The following PRKCA variants were observed in gnomAD, a reference collection of about 807,000 sequenced individuals.
The protein encoded by PRKCA is protein kinase C alpha type.
Under a neutral mutation model 87.0 loss-of-function variants are expected in PRKCA, and 27 were observed. The observed-to-expected ratio is 0.31, with a 90% confidence interval of 0.23 to 0.43. PRKCA has a LOEUF of 0.43. PRKCA is among the 20% of genes least tolerant of loss of function. The pLI, the probability that PRKCA is intolerant of heterozygous loss-of-function variation, is 1.00. For missense variants in PRKCA, 518 were observed against 852.3 expected (o/e 0.61, Z 4.88); for synonymous variants, 329 against 311.1 (o/e 1.06, Z -0.61).
chr17:66,421,303 A>G (rs2049175170), intron 2 of PRKCA, among the ~76,000 whole-genome samples: 1 of 152,102 alleles, frequency 6.6e-6, no homozygotes. Context: ...TGGAACAGAG[A>G]ACTGCTTTAG....
chr17:66,582,152 G>A (rs1032031576), intron 3 of PRKCA, among the ~76,000 whole-genome samples: 3 of 152,166 alleles, frequency 2.0e-5, no homozygotes, highest in African/African-American at 4.8e-5. Context: ...CAGCATTTGC[G>A]TCGTGTATAG....
Position 66,524,357 on chromosome 17 carries a change from A to G in PRKCA, c.288+28074A>G, listed in dbSNP as rs544069156. ...TGGAACAATATAGGAAGTATCCTTC[A>G]TTATGCTTTCATTTGTTTTTGAGTC... On this transcript the variant is annotated intron_variant, in intron 3 of 16. Transcript: ENST00000413366. Among the ~76,000 whole-genome samples, 18 of 152,326 alleles carry G rather than the reference A, an allele frequency of 1.2e-4. No homozygotes were observed. In the South Asian group the frequency reaches 3.5e-3, roughly 30 times the overall value.
chr17:66,419,507 G>T (rs1912367002), intron 2 of PRKCA, among the ~76,000 whole-genome samples: 1 of 152,052 alleles, frequency 6.6e-6, no homozygotes, highest in Admixed American at 6.6e-5. Flanking sequence ...GTTACTAAGG[G>T]TGCTAAAAAT....
intron 5 of PRKCA, among the ~76,000 whole-genome samples, chr17:66,686,733 T>C (rs1972638593): frequency 6.6e-6 from 1 of 151,970 alleles, no homozygotes; most frequent in African/African-American, 2.4e-5. Flanking sequence ...GCAGGGAGGG[T>C]GCACCATTAC....
At chr17:66,365,537 C>T (rs1687452000) in intron 2 of PRKCA, among the ~76,000 whole-genome samples, 1 of 152,216 alleles carries the variant, frequency 6.6e-6, no homozygotes. Context: ...TGATTTTACT[C>T]TGCCTTTATC....
chr17:66,745,343 G>A (rs998965381), intron 13 of PRKCA, among the ~76,000 whole-genome samples: 4 of 152,170 alleles, frequency 2.6e-5, no homozygotes, highest in African/African-American at 9.7e-5. Context: ...AATAATAGAG[G>A]AAGTGACCAC....
chr17:66,547,867 A>C (rs1968195626), intron 3 of PRKCA, among the ~76,000 whole-genome samples: 1 of 152,230 alleles, frequency 6.6e-6, no homozygotes, highest in Non-Finnish European at 1.5e-5. Context: ...ACATTAAAGC[A>C]CTTACCATGA....
intron 5 of PRKCA, among the ~76,000 whole-genome samples, chr17:66,680,717 A>T (rs1175459939): frequency 6.6e-6 from 1 of 152,168 alleles, no homozygotes; most frequent in South Asian, 2.1e-4. Flanking sequence ...AATCCTTCAG[A>T]ACCTCTGCAT....
rs550724432 is a variant in PRKCA at position 66,626,336 on chromosome 17, C to T, written c.289-15019C>T. Among the ~76,000 whole-genome samples, 10 of 151,130 alleles carry T rather than the reference C, an allele frequency of 6.6e-5. No homozygotes were observed. The South Asian group carries it at 2.1e-3, about 32-fold the overall frequency. On this transcript the variant is annotated intron_variant, in intron 3 of 16. Coordinates refer to ENST00000413366, the MANE Select transcript of PRKCA (RefSeq NM_002737.3). ...CCAAGTAGCTGGGACCATAGGTGCA[C>T]ACCACCATGCCCAGCTAGTTTTTGT...
intron 16 of PRKCA, among the ~76,000 whole-genome samples, chr17:66,795,201 G>C (rs1419243256): frequency 6.6e-6 from 1 of 152,168 alleles, no homozygotes; most frequent in Non-Finnish European, 1.5e-5. Flanking sequence ...ATGTAGTGCA[G>C]GGGCTCTGCA....
At chr17:66,519,329 G>A (rs8082666) in intron 3 of PRKCA, among the ~76,000 whole-genome samples, 16 of 152,274 alleles carry the variant, frequency 1.1e-4, no homozygotes, top group African/African-American at 3.9e-4. Context: ...TGAGTGCTTG[G>A]AGGCCTCTAG....
At chr17:66,527,640 G>A (rs527656768) in intron 3 of PRKCA, among the ~76,000 whole-genome samples, 2 of 152,346 alleles carry the variant, frequency 1.3e-5, no homozygotes, top group South Asian at 4.1e-4. Context: ...TATTGTGATG[G>A]AAGTAATTGA....
chr17:66,566,492 T>G lies in PRKCA; in HGVS notation c.288+70209T>G, dbSNP rs867579715. 2.4e-4 allele frequency among the ~76,000 whole-genome samples: 36 copies of G among 147,776 alleles called. 1 individual carries two copies. Among genetic ancestry groups the G allele is most frequent in the African/African-American group, 8.1e-4 (32 of 39,268 alleles). ...TTGTTGTTTTTTGGTTTTTTTTTTT[T>G]TTTTTTTTTTGCAACAGCTTTCCCC... On this transcript the variant is annotated intron_variant, in intron 3 of 16. Transcript: ENST00000413366.
chr17:66,475,807 G>A (rs1445279208), intron 2 of PRKCA, among the ~76,000 whole-genome samples: 2 of 152,192 alleles, frequency 1.3e-5, no homozygotes, highest in Non-Finnish European at 2.9e-5. Context: ...ATTGTGGAAC[G>A]AGAGATTTTG....
intron 3 of PRKCA, among the ~76,000 whole-genome samples, chr17:66,593,569 AG>A (rs1419651302): frequency 6.6e-6 from 1 of 152,150 alleles, no homozygotes; most frequent in African/African-American, 2.4e-5. Flanking sequence ...TGGAGGGAGG[AG>A]GGGTTCCTAT....
chr17:66,556,095 G>A (rs569114540), intron 3 of PRKCA, among the ~76,000 whole-genome samples: 1 of 152,150 alleles, frequency 6.6e-6, no homozygotes, highest in African/African-American at 2.4e-5. Context: ...CCCTGGGACT[G>A]GAGCTCTTTT....
At chr17:66,392,416 G>A (rs1047048552) in intron 2 of PRKCA, among the ~76,000 whole-genome samples, 22 of 152,074 alleles carry the variant, frequency 1.4e-4, no homozygotes, top group Admixed American at 2.0e-4. Flanking sequence ...TTAACAAAAG[G>A]GAAAAGATAA....
chr17:66,742,816 C>T, intron 13 of PRKCA, 56 bp downstream of exon 13: 1 of 1,588,046 alleles, frequency 6.3e-7, no homozygotes, highest in Non-Finnish European at 8.6e-7. Context: ...TAAACGCAGC[C>T]CTCTCATGGG....
intron 2 of PRKCA, among the ~76,000 whole-genome samples, chr17:66,434,507 T>G (rs925129993): frequency 6.6e-6 from 1 of 152,166 alleles, no homozygotes; most frequent in Non-Finnish European, 1.5e-5. Context: ...GATGCTTAAT[T>G]CATTCCAGCC....
Sources: allele counts gnomAD v4.1 joint callset (sites outside exome capture counted in the v4.1 genomes callset), GRCh38; gene constraint gnomAD v4.1.1; transcripts MANE v1.5; gene names NCBI Gene and HGNC (gene_info 2026-07-23, HGNC 2026-07-21).